RPS24: variants seen among roughly 807,000 people sequenced by gnomAD.
RPS24 encodes the protein ribosomal protein S24.
For synonymous variants in RPS24, 72 were observed against 55.6 expected, an observed-to-expected ratio of 1.30 and a Z score of -1.31; for missense variants, 100 against 162.5, an observed-to-expected ratio of 0.62 and a Z score of 2.09.
chr10:78,040,234 C>G lies in RPS24; in HGVS notation c.*19+9C>G. On this transcript the variant is annotated intron_variant, in intron 5 of 5. Coordinates refer to ENST00000372360, the MANE Select transcript of RPS24 (RefSeq NM_033022.4). ...TGGAGATTGGATCACAGGTATAATT[C>G]AAGCTTTTCATGTAGTCATGTAGAT... 1 of 1,612,246 alleles carries G rather than the reference C, an allele frequency of 6.2e-7. No individual in the cohort carries two copies. The highest frequency in any genetic ancestry group is 8.5e-7 in the Non-Finnish European group (1 of 1,178,374).
downstream of RPS24, among the ~76,000 whole-genome samples, chr10:78,044,350 A>G (rs1848019954): frequency 6.6e-6 from 1 of 152,164 alleles, no homozygotes; most frequent in Admixed American, 6.5e-5. Flanking sequence ...GGAAGAGAGG[A>G]TGACACTGGG....
At chr10:78,039,821 G>GT in intron 4 of RPS24, 1 of 275,334 alleles carries the variant, frequency 3.6e-6, no homozygotes, top group Non-Finnish European at 7.0e-6. Flanking sequence ...AATGATTCTC[G>GT]TAACTGTTCC....
chr10:78,052,379 T>G (rs1391659548), intron 4 of RPS24, among the ~76,000 whole-genome samples: 1 of 152,192 alleles, frequency 6.6e-6, no homozygotes, highest in Non-Finnish European at 1.5e-5. Flanking sequence ...CCGAGAGACT[T>G]TGAATGTAAC....
At position 78,034,819 on chromosome 10, in the gene RPS24, A is replaced by G. The variant is rs80294451; in HGVS notation, c.4-533A>G. Among the ~76,000 whole-genome samples the G allele has an allele frequency of 2.0e-5, 3 of 152,358 alleles. No individual in the cohort carries two copies. In the East Asian group the frequency reaches 5.8e-4, roughly 29 times the overall value. On this transcript the variant is annotated intron_variant, in intron 1 of 5. Coordinates refer to ENST00000372360, the MANE Select transcript of RPS24 (RefSeq NM_033022.4). ...GGGGCACATTTGTGCAAGACATGAT[A>G]AACACAGTTCATTGAGTGACCTTTA...
At chr10:78,045,975 C>T (rs1848039310) in intron 4 of RPS24, among the ~76,000 whole-genome samples, 1 of 152,092 alleles carries the variant, frequency 6.6e-6, no homozygotes, top group Admixed American at 6.5e-5. Flanking sequence ...GCACTCCAGC[C>T]TGGGTGACAG....
At chr10:78,051,930 G>A (rs953235784) in intron 4 of RPS24, among the ~76,000 whole-genome samples, 3 of 152,068 alleles carry the variant, frequency 2.0e-5, no homozygotes. Context: ...ATTGTGTTGT[G>A]TTAGTTTATA....
At chr10:78,052,197 TG>T (rs1317306769) in intron 4 of RPS24, among the ~76,000 whole-genome samples, 1 of 152,048 alleles carries the variant, frequency 6.6e-6, no homozygotes, top group Non-Finnish European at 1.5e-5. Flanking sequence ...GGCTAATTTT[TG>T]TATTTTTAGT....
At chr10:78,046,071 C>T (rs1033482726) in intron 4 of RPS24, among the ~76,000 whole-genome samples, 2 of 151,998 alleles carry the variant, frequency 1.3e-5, no homozygotes, top group African/African-American at 4.8e-5. Flanking sequence ...GCCCAAGCAC[C>T]TGATGTTTTA....
chr10:78,037,464 G>A (rs1847897258), intron 4 of RPS24, 160 bp downstream of exon 4: 1 of 1,229,092 alleles, frequency 8.1e-7, no homozygotes, highest in Non-Finnish European at 1.1e-6. Context: ...AAGAAACTAT[G>A]TAGCATAGTG....
intron 4 of RPS24, 40 bp downstream of exon 4, chr10:78,037,344 G>A (rs978174342): frequency 1.3e-6 from 2 of 1,559,626 alleles, no homozygotes; most frequent in Non-Finnish European, 1.7e-6. Flanking sequence ...GTCATTAATT[G>A]TAGGTCTTTA....
rs16935558 is a variant in RPS24 at position 78,034,730 on chromosome 10, C to T, written c.4-622C>T. 2.0e-3 allele frequency among the ~76,000 whole-genome samples: 298 copies of T among 152,350 alleles called. 1 individual carries two copies. Among genetic ancestry groups the T allele is most frequent in the African/African-American group, 5.8e-3 (240 of 41,560 alleles). ...GTCCTTCAGAAGGGAATATCGTTTT[C>T]TCTGATCTCTGCTATGGCCATTCTA... On this transcript the variant is annotated intron_variant, in intron 1 of 5. Coordinates refer to ENST00000372360, the MANE Select transcript of RPS24 (RefSeq NM_033022.4).
chr10:78,053,271 T>C (rs2131995020), intron 4 of RPS24, among the ~76,000 whole-genome samples: 1 of 151,006 alleles, frequency 6.6e-6, no homozygotes, highest in Middle Eastern at 3.5e-3. Context: ...CTGTTGCTGG[T>C]GGTACACAAG....
chr10:78,037,487 A>T lies in RPS24; in HGVS notation c.390+183A>T, dbSNP rs1847897707. 9.0e-6 allele frequency: 9 copies of T among 1,002,546 alleles called. No homozygotes were observed. The East Asian group carries it at 2.6e-4, about 29-fold the overall frequency. 62.1% of individuals were successfully genotyped at this position (1,002,546 alleles called of 1,614,324 possible). ...ATGTAGCATAGTGTCTTAACACCTC[A>T]GTAAAGTAGCTTGGCCCACCCCTTG... On this transcript the variant is annotated intron_variant, in intron 4 of 5. Transcript: ENST00000372360.
chr10:78,053,188 A>AC (rs1490310823), intron 4 of RPS24, among the ~76,000 whole-genome samples: 62 of 147,886 alleles, frequency 4.2e-4, no homozygotes, highest in East Asian at 1.2e-3. Context: ...AACAACAACA[A>AC]AAAAAAAAAA....
intron 4 of RPS24, among the ~76,000 whole-genome samples, chr10:78,053,186 C>CAAAAAAA (rs57899265): frequency 1.4e-5 from 2 of 140,980 alleles, no homozygotes; most frequent in Admixed American, 7.1e-5. Context: ...ACAACAACAA[C>CAAAAAAA]AAAAAAAAAA....
At chr10:78,038,241 T>C (rs1413114134) in intron 4 of RPS24, 1 of 209,868 alleles carries the variant, frequency 4.8e-6, no homozygotes, top group African/African-American at 2.4e-5. Flanking sequence ...AACTCCAAAA[T>C]GCATGTTACA....
At chr10:78,050,815 G>A (rs1172006787) in intron 4 of RPS24, among the ~76,000 whole-genome samples, 1 of 151,920 alleles carries the variant, frequency 6.6e-6, no homozygotes, top group Non-Finnish European at 1.5e-5. Flanking sequence ...TAGAGACAGA[G>A]TCTCTACATT....
chr10:78,044,431 G>A (rs1235934475), downstream of RPS24, among the ~76,000 whole-genome samples: 1 of 152,190 alleles, frequency 6.6e-6, no homozygotes, highest in African/African-American at 2.4e-5. Context: ...CATGACTGAT[G>A]CCTTTGAGCA....
exon 5 of RPS24, chr10:78,054,809 G>T: frequency 6.4e-7 from 1 of 1,551,630 alleles, no homozygotes; most frequent in Non-Finnish European, 8.7e-7. Context: ...CCTTCATGTC[G>T]CCTGCCTCAC....
Sources: allele counts gnomAD v4.1 joint callset (sites outside exome capture counted in the v4.1 genomes callset), GRCh38; gene constraint gnomAD v4.1.1; transcripts MANE v1.5; gene names NCBI Gene and HGNC (gene_info 2026-07-23, HGNC 2026-07-21).